The following GRIK4 variants were observed in gnomAD, a reference collection of about 807,000 sequenced individuals.
GRIK4 encodes the protein glutamate ionotropic receptor kainate type subunit 4.
Under a neutral mutation model 104.9 loss-of-function variants are expected in GRIK4, and 40 were observed. That is an observed-to-expected ratio of 0.38 (90% CI 0.30 to 0.50). The LOEUF (loss-of-function observed/expected upper bound fraction) is 0.50, where lower values mean the gene tolerates loss of function less well. Among genes scored for constraint, GRIK4 ranks in the 20% least tolerant of loss-of-function variants. GRIK4 has a pLI of 0.93. For synonymous variants in GRIK4, 485 were observed against 524.9 expected (o/e 0.92, Z 1.04); for missense variants, 1,047 against 1,308.1 (o/e 0.80, Z 3.08).
At chr11:120,747,949 CTATT>C (rs1393568990) in intron 3 of GRIK4, among the ~76,000 whole-genome samples, 1 of 152,174 alleles carries the variant, frequency 6.6e-6, no homozygotes, top group Non-Finnish European at 1.5e-5. Flanking sequence ...GTAAACTTGA[CTATT>C]TATAACCCAA....
intron 1 of GRIK4, among the ~76,000 whole-genome samples, chr11:120,630,459 C>T (rs986543997): frequency 3.9e-5 from 6 of 152,254 alleles, no homozygotes; most frequent in African/African-American, 7.2e-5. Flanking sequence ...TCTGCACTAT[C>T]AACAGTTCTG....
At chr11:120,856,977 T>G (rs1246763352) in intron 8 of GRIK4, among the ~76,000 whole-genome samples, 2 of 152,216 alleles carry the variant, frequency 1.3e-5, no homozygotes, top group Non-Finnish European at 2.9e-5. Flanking sequence ...CCACAAGGTC[T>G]GCCCAACCTT....
At chr11:120,615,525 C>A (rs1207878386) in intron 1 of GRIK4, among the ~76,000 whole-genome samples, 2 of 152,178 alleles carry the variant, frequency 1.3e-5, no homozygotes, top group African/African-American at 4.8e-5. Flanking sequence ...GTCTGCCTGG[C>A]AGGGCCTGGC....
intron 8 of GRIK4, among the ~76,000 whole-genome samples, chr11:120,837,315 G>A (rs918365867): frequency 6.6e-6 from 1 of 152,206 alleles, no homozygotes; most frequent in African/African-American, 2.4e-5. Context: ...TAACCCTGTA[G>A]CATCTGACAG....
At chr11:120,889,192 G>T (rs1473953231) in intron 11 of GRIK4, among the ~76,000 whole-genome samples, 5 of 152,194 alleles carry the variant, frequency 3.3e-5, no homozygotes, top group African/African-American at 7.2e-5. Flanking sequence ...TATGATTGGA[G>T]ATATTAGATT....
intron 3 of GRIK4, among the ~76,000 whole-genome samples, chr11:120,703,062 G>A (rs1950577969): frequency 6.6e-6 from 1 of 152,168 alleles, no homozygotes; most frequent in Non-Finnish European, 1.5e-5. Context: ...TTGGTCAATA[G>A]AACTTTCTCG....
intron 13 of GRIK4, among the ~76,000 whole-genome samples, chr11:120,928,246 G>A (rs1367223845): frequency 1.3e-5 from 2 of 148,766 alleles, no homozygotes; most frequent in Non-Finnish European, 3.0e-5. Flanking sequence ...AAGGCGACAC[G>A]GAGAAAAATG....
chr11:120,694,931 G>A (rs1565299755), intron 3 of GRIK4, among the ~76,000 whole-genome samples: 1 of 152,188 alleles, frequency 6.6e-6, no homozygotes, highest in Non-Finnish European at 1.5e-5. Flanking sequence ...CTTCCTCCTA[G>A]ATTATCATTC....
At chr11:120,820,417 G>A (rs972348787) in intron 6 of GRIK4, among the ~76,000 whole-genome samples, 1 of 152,218 alleles carries the variant, frequency 6.6e-6, no homozygotes, top group Non-Finnish European at 1.5e-5. Context: ...AACAAGGTCC[G>A]AGGTCAATTC....
At position 120,907,704 on chromosome 11, in the gene GRIK4, G is replaced by A. The variant is rs201643318; in HGVS notation, c.1476+2211G>A. On this transcript the variant is annotated intron_variant, in intron 13 of 20. Coordinates refer to ENST00000527524, the MANE Select transcript of GRIK4 (RefSeq NM_014619.5). ...TCAAGCTGTGATAAGTGCAGGGGAG[G>A]CAGAGTGGAAGGCGTTGTAGGAGAA... Among the ~76,000 whole-genome samples, 9 of 151,972 alleles carry A rather than the reference G, an allele frequency of 5.9e-5. No individual in the cohort carries two copies. In the East Asian group the frequency reaches 1.4e-3, roughly 23 times the overall value.
At position 120,965,817 on chromosome 11, in the gene GRIK4, C is replaced by G. The variant is rs12293520; in HGVS notation, c.2267-1378C>G. Among the ~76,000 whole-genome samples the G allele has an allele frequency of 4.4e-3, 672 of 152,276 alleles. 3 individuals carry two copies. The highest frequency in any genetic ancestry group is 0.015 in the African/African-American group (642 of 41,576). ...TACTGAATCAGATTCTGCAGTTCAG[C>G]GAAATCCCCAGGTGATTGCAATGCA... On this transcript the variant is annotated intron_variant, in intron 18 of 20. Transcript: ENST00000527524.
chr11:120,520,178 C>G (rs1322584171), intron 1 of GRIK4, among the ~76,000 whole-genome samples: 5 of 152,172 alleles, frequency 3.3e-5, no homozygotes, highest in African/African-American at 7.2e-5. Context: ...CAGGCATGAG[C>G]CACTGCGCCC....
intron 8 of GRIK4, among the ~76,000 whole-genome samples, chr11:120,845,624 T>C (rs902889256): frequency 2.7e-5 from 4 of 150,070 alleles, no homozygotes; most frequent in African/African-American, 1.0e-4. Flanking sequence ...CATGAACATA[T>C]ACACACACAT....
At chr11:120,913,418 G>A (rs1943040456) in intron 13 of GRIK4, among the ~76,000 whole-genome samples, 2 of 151,626 alleles carry the variant, frequency 1.3e-5, no homozygotes. Flanking sequence ...CTGCTTGGTA[G>A]GGAGGCATTC....
rs1947833393 is a variant in GRIK4, at chr11:120,524,258, C to T, written c.-159+12371C>T. On this transcript the variant is annotated intron_variant, in intron 1 of 20. Coordinates refer to ENST00000527524, the MANE Select transcript of GRIK4 (RefSeq NM_014619.5). This position sits in a 1 kb window ranked among gnomAD's most constrained non-coding sequence, Gnocchi z 4.5. Reference sequence around the variant, plus strand: ...ATTCTTTCCCCAACAACCAGAACAGCACTGGGTGCTCAGTATGCGTTTAGT... The same window carrying T: ...ATTCTTTCCCCAACAACCAGAACAGTACTGGGTGCTCAGTATGCGTTTAGT... Among the ~76,000 whole-genome samples, 1 of 152,190 alleles carries T rather than the reference C, an allele frequency of 6.6e-6. No homozygotes were observed. The highest frequency in any genetic ancestry group is 2.1e-4 in the South Asian group (1 of 4,828).
At chr11:120,897,601 CAAAAAA>C (rs56807699) in intron 11 of GRIK4, among the ~76,000 whole-genome samples, 156 of 13,054 alleles carry the variant, frequency 0.012, 3 homozygotes, top group African/African-American at 0.022. Flanking sequence ...GACTCCTTCT[CAAAAAA>C]AAAAAAAAAA....
chr11:120,833,532 G>A (rs1016948310), intron 7 of GRIK4, among the ~76,000 whole-genome samples: 4 of 152,122 alleles, frequency 2.6e-5, no homozygotes, highest in African/African-American at 9.7e-5. Context: ...GAATACACAG[G>A]TTCCCCCTGT....
chr11:120,716,503 CA>C (rs1379461718), intron 3 of GRIK4, among the ~76,000 whole-genome samples: 2 of 152,214 alleles, frequency 1.3e-5, no homozygotes, highest in Admixed American at 6.5e-5. Flanking sequence ...CTTGGCCTCA[CA>C]AAGTGCTGTG....
At chr11:120,541,814 C>T (rs569570816) in intron 1 of GRIK4, among the ~76,000 whole-genome samples, 14 of 152,164 alleles carry the variant, frequency 9.2e-5, no homozygotes, top group East Asian at 1.9e-4. Flanking sequence ...AGAAGATAAA[C>T]GGAAAGGTAT....
Sources: gnomAD v4.1 joint callset for allele counts (sites outside exome capture counted in the v4.1 genomes callset) on GRCh38, gnomAD v4.1.1 for gene constraint, Gnocchi (gnomAD v3.1) non-coding constraint, MANE v1.5 for transcripts, NCBI Gene and HGNC (gene_info 2026-07-23, HGNC 2026-07-21) for gene names.